The following ABCC1 variants were observed in gnomAD, a reference collection of about 807,000 sequenced individuals.
The protein encoded by ABCC1 is multidrug resistance-associated protein 1.
A neutral mutation model predicts 172.9 loss-of-function variants in ABCC1; 83 were observed. The observed-to-expected ratio is 0.48, with a 90% confidence interval of 0.40 to 0.58. The LOEUF (loss-of-function observed/expected upper bound fraction) is 0.58, where lower values mean the gene tolerates loss of function less well. ABCC1 is among the 20% of genes least tolerant of loss of function. The pLI, the probability that ABCC1 is intolerant of heterozygous loss-of-function variation, is 0.00. For missense variants in ABCC1, 1,817 were observed against 2,002.7 expected (o/e 0.91, Z 1.77); for synonymous variants, 937 against 825.2 (o/e 1.14, Z -2.32).
At chr16:15,954,850 CTA>C (rs1406773886) in intron 1 of ABCC1, among the ~76,000 whole-genome samples, 1 of 152,200 alleles carries the variant, frequency 6.6e-6, no homozygotes, top group African/African-American at 2.4e-5. Context: ...ACTGATCTCT[CTA>C]TGTGGGTGTC....
intron 5 of ABCC1, among the ~76,000 whole-genome samples, chr16:16,027,350 A>C (rs2048410589): frequency 6.6e-6 from 1 of 152,158 alleles, no homozygotes; most frequent in African/African-American, 2.4e-5. Flanking sequence ...TATAATACAT[A>C]AATGAATGGG....
At position 16,025,630 on chromosome 16, in the gene ABCC1, C is replaced by G. The variant is rs569539210; in HGVS notation, c.616-7479C>G. Among the ~76,000 whole-genome samples the G allele has an allele frequency of 3.9e-5, 6 of 152,316 alleles. No homozygotes were observed. In the East Asian group the frequency reaches 1.2e-3, roughly 29 times the overall value. The stretch of plus-strand genomic sequence containing the variant: ...TGTTTCTGACAAACAGGTCAACATG[C>G]TGAAAGACCCAGACAAGGTCCTTAA... On this transcript the variant is annotated intron_variant, in intron 5 of 30. Coordinates refer to ENST00000399410, the MANE Select transcript of ABCC1 (RefSeq NM_004996.4).
chr16:15,967,483 G>A (rs1322670192), intron 1 of ABCC1, among the ~76,000 whole-genome samples: 4 of 151,664 alleles, frequency 2.6e-5, no homozygotes, highest in African/African-American at 9.7e-5. Flanking sequence ...TGTTGCTGTC[G>A]TCTGATCCCA....
chr16:15,993,609 A>AC (rs1279541593), intron 1 of ABCC1, among the ~76,000 whole-genome samples: 2 of 152,142 alleles, frequency 1.3e-5, no homozygotes, highest in Non-Finnish European at 2.9e-5. Flanking sequence ...GCCCCCGACA[A>AC]CCAAGAATTA....
chr16:15,994,693 A>G (rs1470806489), intron 1 of ABCC1, among the ~76,000 whole-genome samples: 4 of 152,162 alleles, frequency 2.6e-5, no homozygotes, highest in African/African-American at 7.2e-5. Context: ...AACAAAAAAT[A>G]GTAGTTGCCT....
At chr16:16,087,976 G>C (rs76039089) in intron 18 of ABCC1, among the ~76,000 whole-genome samples, 1 of 151,904 alleles carries the variant, frequency 6.6e-6, no homozygotes, top group African/African-American at 2.4e-5. Flanking sequence ...TCTTGTAATC[G>C]TTCCCATACA....
rs1199957064 is a variant in ABCC1 at position 16,115,086 on chromosome 16, G to A, written c.3390+10G>A. 1 of 1,612,224 alleles carries A rather than the reference G, an allele frequency of 6.2e-7. No individual in the cohort carries two copies. Among genetic ancestry groups the A allele is most frequent in the East Asian group, 2.2e-5 (1 of 44,830 alleles). ...CTACTTCTTCGTCCAGGTAAGGGGT[G>A]AGGTCTTAGTGTTCGGGACAAGCCC... On this transcript the variant is annotated intron_variant, in intron 23 of 30. Coordinates refer to ENST00000399410, the MANE Select transcript of ABCC1 (RefSeq NM_004996.4).
intron 14 of ABCC1, among the ~76,000 whole-genome samples, chr16:16,075,299 G>C (rs572817835): frequency 3.7e-4 from 57 of 152,076 alleles, no homozygotes; most frequent in Non-Finnish European, 7.1e-4. Flanking sequence ...AGGAAGAAGA[G>C]TAAAAGAAGA....
chr16:16,046,982 GC>G (rs1356956196), intron 9 of ABCC1, among the ~76,000 whole-genome samples: 2 of 121,696 alleles, frequency 1.6e-5, no homozygotes, highest in East Asian at 4.8e-4. Flanking sequence ...ATCACTGGAG[GC>G]TTGGAAGTTC....
chr16:16,088,036 T>C (rs2051082213), intron 18 of ABCC1, among the ~76,000 whole-genome samples: 1 of 152,184 alleles, frequency 6.6e-6, no homozygotes, highest in African/African-American at 2.4e-5. Flanking sequence ...CAAAACATTT[T>C]TGAAAATTAC....
At chr16:16,003,638 G>T (rs1314315718) in intron 1 of ABCC1, among the ~76,000 whole-genome samples, 1 of 141,056 alleles carries the variant, frequency 7.1e-6, no homozygotes, top group Non-Finnish European at 1.6e-5. Flanking sequence ...ATTGGTGGGT[G>T]GGTGGATGGA....
chr16:16,136,401 G>C, intron 28 of ABCC1, 77 bp from the exon 29 acceptor site: 1 of 1,528,466 alleles, frequency 6.5e-7, no homozygotes, highest in South Asian at 1.2e-5. Flanking sequence ...GTCCTGGCCA[G>C]AAGTCCTTAG....
At chr16:16,134,081 C>G (rs148471533) in intron 27 of ABCC1, among the ~76,000 whole-genome samples, 2 of 152,282 alleles carry the variant, frequency 1.3e-5, no homozygotes, top group East Asian at 3.9e-4. Context: ...CCTTCTGCCT[C>G]TTCTGTATCT....
chr16:15,990,123 C>T (rs2046824779), intron 1 of ABCC1, among the ~76,000 whole-genome samples: 1 of 152,106 alleles, frequency 6.6e-6, no homozygotes, highest in South Asian at 2.1e-4. Context: ...GGTGCGATCT[C>T]AGCTCACTGC....
chr16:16,119,134 G>A (rs2045040688), intron 23 of ABCC1, among the ~76,000 whole-genome samples: 1 of 152,200 alleles, frequency 6.6e-6, no homozygotes, highest in Non-Finnish European at 1.5e-5. Flanking sequence ...AGTAGGTACT[G>A]TGAGATTTCA....
At chr16:16,056,031 G>A in intron 11 of ABCC1, 61 bp from the exon 12 acceptor site, 3 of 1,429,828 alleles carry the variant, frequency 2.1e-6, no homozygotes, top group South Asian at 1.2e-5. Context: ...AGCTGGTGAT[G>A]TTGAGTGATG....
intron 21 of ABCC1, among the ~76,000 whole-genome samples, chr16:16,108,921 C>T (rs1026587561): frequency 5.3e-5 from 8 of 151,966 alleles, no homozygotes; most frequent in Non-Finnish European, 1.0e-4. Flanking sequence ...CCCCCGAGCC[C>T]ACCACATTCC....
At chr16:16,079,219 C>T (rs1307877817) in intron 15 of ABCC1, 133 bp from the exon 16 acceptor site, 8 of 1,331,610 alleles carry the variant, frequency 6.0e-6, no homozygotes, top group South Asian at 2.8e-5. Flanking sequence ...TTGAGGCCTT[C>T]AGTGTTTAGT....
chr16:15,989,082 A>T (rs2046803675), intron 1 of ABCC1, among the ~76,000 whole-genome samples: 1 of 151,920 alleles, frequency 6.6e-6, no homozygotes, highest in African/African-American at 2.4e-5. Flanking sequence ...AAAAAAAAAA[A>T]AAAAAAAAAA....
Sources: allele counts gnomAD v4.1 joint callset (sites outside exome capture counted in the v4.1 genomes callset), GRCh38; gene constraint gnomAD v4.1.1; transcripts MANE v1.5; gene names NCBI Gene and HGNC (gene_info 2026-07-23, HGNC 2026-07-21).